The following LDB1 variants were observed in gnomAD, a reference collection of about 807,000 sequenced individuals.
The protein encoded by LDB1 is LIM domain-binding protein 1.
LDB1 carries 6 observed loss-of-function variants against 49.7 expected under a neutral mutation model. The ratio of observed to expected loss-of-function variants is 0.12; its 90% confidence interval spans 0.07 to 0.24. LDB1 has a LOEUF of 0.24. Among genes scored for constraint, LDB1 ranks in the 10% least tolerant of loss-of-function variants. LDB1 has a pLI of 1.00. For synonymous variants in LDB1, 233 were observed against 202.0 expected (o/e 1.15, Z -1.30); for missense variants, 341 against 561.7 (o/e 0.61, Z 3.97).
At position 102,109,164 on chromosome 10, in the gene LDB1, A is replaced by G; in HGVS notation, c.870T>C (p.Arg290=). The G allele has an allele frequency of 3.7e-6, 6 of 1,613,660 alleles. No individual in the cohort carries two copies. The highest frequency in any genetic ancestry group is 4.2e-6 in the Non-Finnish European group (5 of 1,179,900). The change falls in exon 10 of 11, where the codon CGT becomes CGC. Residue 290 remains arginine, a synonymous_variant. Transcript: ENST00000673968. The surrounding 1 kb of genome is among the most constrained non-coding windows in gnomAD (Gnocchi z 5.8). Reference sequence around the variant, plus strand: ...GTTTCCGCCGTTTGCTGGGCTGCTGACGTGTGGGCTCCGCTGTGCCGGTAA... The same window carrying G: ...GTTTCCGCCGTTTGCTGGGCTGCTGGCGTGTGGGCTCCGCTGTGCCGGTAA... ...RMVAPPAEPT[R]QQPSKRRKRK...
upstream of LDB1, among the ~76,000 whole-genome samples, chr10:102,120,799 G>A (rs1428249614): frequency 2.0e-5 from 3 of 152,176 alleles, no homozygotes; most frequent in Non-Finnish European, 4.4e-5. Flanking sequence ...GCCGGAGCGG[G>A]AGCCGCGGCT....
At chr10:102,103,172 G>A (rs1451523520), downstream of LDB1, among the ~76,000 whole-genome samples, 3 of 152,056 alleles carry the variant, frequency 2.0e-5, no homozygotes, top group Non-Finnish European at 4.4e-5. Flanking sequence ...TGGGACTTCA[G>A]GTGCATGATC....
At chr10:102,103,516 TTA>T (rs1161162058), downstream of LDB1, among the ~76,000 whole-genome samples, 6 of 152,044 alleles carry the variant, frequency 3.9e-5, no homozygotes, top group Admixed American at 3.9e-4. Flanking sequence ...TTTATTTATT[TTA>T]GAGATGAGGT....
In LDB1 at chr10:102,109,438, C is replaced by T; in HGVS notation, c.802G>A (p.Asp268Asn). ...TGGAAAAGGCAGGTCTTGAGGCAGT[C>T]GCGGGGGCTGAGGCTGTAGGTCTTG... ...RHKTYSLSPR[D>N]CLKTCLFQKW... Residue 268 changes from aspartate to asparagine, a missense_variant, in exon 9 of 11, where the codon GAC (aspartate) becomes AAC (asparagine). Physicochemically the swap from Asp to Asn is conservative, Grantham distance 23 (BLOSUM62 1). Around this residue, in one of 5 missense-constraint regions of LDB1, gnomAD observed 233 missense variants for 385.7 expected, o/e 0.60. Coordinates refer to ENST00000673968, the MANE Select transcript of LDB1 (RefSeq NM_001113407.3). The surrounding 1 kb of genome is among the most constrained non-coding windows in gnomAD (Gnocchi z 5.8). 4 of 1,614,112 alleles carry T rather than the reference C, an allele frequency of 2.5e-6. No individual in the cohort carries two copies. Among genetic ancestry groups the T allele is most frequent in the Non-Finnish European group, 3.4e-6 (4 of 1,180,020 alleles).
intron 1 of LDB1, 128 bp downstream of exon 1, chr10:102,119,958 G>T: frequency 1.6e-6 from 1 of 627,918 alleles, no homozygotes; most frequent in Non-Finnish European, 2.5e-6. Flanking sequence ...GCCCCGCGTA[G>T]CCCTTCCAGC....
chr10:102,115,184 A>G (rs1300160577), intron 1 of LDB1, among the ~76,000 whole-genome samples: 1 of 151,978 alleles, frequency 6.6e-6, no homozygotes, highest in East Asian at 1.9e-4. Context: ...AGAGACCTGG[A>G]TGGAGGAGAG....
rs537760608 is a variant in LDB1, at chr10:102,107,019, T to C, written c.*1074A>G. Among the ~76,000 whole-genome samples the C allele has an allele frequency of 2.0e-5, 3 of 152,202 alleles. No homozygotes were observed. The highest frequency in any genetic ancestry group is 1.3e-4 in the Admixed American group (2 of 15,288). ...ATGAAGGACAGAGTAGGATTACATA[T>C]GCAGTTGGAGGGGCTGAGGGAAGAT... On this transcript the variant is annotated 3_prime_UTR_variant, in exon 11 of 11. Coordinates refer to ENST00000673968, the MANE Select transcript of LDB1 (RefSeq NM_001113407.3).
At chr10:102,106,174 G>A (rs913586372), downstream of LDB1, among the ~76,000 whole-genome samples, 7 of 152,024 alleles carry the variant, frequency 4.6e-5, no homozygotes, top group Admixed American at 3.9e-4. Flanking sequence ...TGCCCCAGGA[G>A]GGCCACCTGT....
In LDB1 at chr10:102,108,176, C is replaced by G; in HGVS notation, c.1153G>C (p.Gly385Arg). The change falls in exon 11 of 11, where the codon GGC becomes CGC. Residue 385 changes from glycine (G) to arginine (R), a missense_variant. Transcript: ENST00000673968. ...TTGCTGTTCCAGGGGCTGTTGGCGCCCAGTGCAGGGGAGTTGTTAAAGCTG... is the reference window on the plus strand; with the variant it reads ...TTGCTGTTCCAGGGGCTGTTGGCGCGCAGTGCAGGGGAGTTGTTAAAGCTG... ...EDSFNNSPALGANSPWNSKPP... is the reference protein window; with the variant it reads ...EDSFNNSPALRANSPWNSKPP... 6.2e-7 allele frequency: 1 copy of G among 1,614,054 alleles called. No homozygotes were observed. Among genetic ancestry groups the G allele is most frequent in the Non-Finnish European group, 8.5e-7 (1 of 1,179,990 alleles).
In LDB1 at chr10:102,109,894, G is replaced by C. The variant is rs981807248; in HGVS notation, c.648+27C>G. ...CCTTCCCCCGCCTGCCTTCACTCTT[G>C]CATCCTGGGTCCTGCCCACGACTCA... On this transcript the variant is annotated intron_variant, in intron 7 of 10. Transcript: ENST00000673968. The surrounding 1 kb of genome is among the most constrained non-coding windows in gnomAD (Gnocchi z 5.8). 6.2e-6 allele frequency: 10 copies of C among 1,601,894 alleles called. No homozygotes were observed. The highest frequency in any genetic ancestry group is 8.5e-6 in the Non-Finnish European group (10 of 1,175,502).
At chr10:102,105,877 TGAGGCAG>T (rs2068154326), downstream of LDB1, among the ~76,000 whole-genome samples, 16 of 151,312 alleles carry the variant, frequency 1.1e-4, no homozygotes, top group South Asian at 3.1e-3. Flanking sequence ...CTTGGAAGGC[TGAGGCAG>T]GAGAATCACT....
intron 1 of LDB1, among the ~76,000 whole-genome samples, chr10:102,118,124 T>C (rs994528109): frequency 4.6e-5 from 7 of 152,216 alleles, no homozygotes; most frequent in African/African-American, 1.7e-4. Flanking sequence ...CATGCTGCCA[T>C]GCCTTCCTTG....
chr10:102,119,932 T>C (rs936623912), intron 1 of LDB1, among the ~76,000 whole-genome samples, 154 bp downstream of exon 1: 13 of 151,460 alleles, frequency 8.6e-5, no homozygotes, highest in Admixed American at 7.9e-4. Flanking sequence ...GGGAAAACGC[T>C]ACCCGCCAGC....
At chr10:102,119,306 C>A (rs558325799) in intron 1 of LDB1, among the ~76,000 whole-genome samples, 16 of 151,782 alleles carry the variant, frequency 1.1e-4, no homozygotes, top group East Asian at 3.9e-4. Flanking sequence ...CCGCCCCCCC[C>A]ACCTGCCCCC....
chr10:102,114,812 G>GGGGGGCCCCCC, intron 1 of LDB1: 54 of 929,716 alleles, frequency 5.8e-5, no homozygotes, highest in Non-Finnish European at 6.4e-5. Flanking sequence ...CCTCCGAGCA[G>GGGGGGCCCCCC]CCCGCCCGCC....
downstream of LDB1, among the ~76,000 whole-genome samples, chr10:102,105,684 G>A (rs141638499): frequency 5.9e-5 from 9 of 151,810 alleles, no homozygotes; most frequent in East Asian, 3.9e-4. Flanking sequence ...GCTGCTGACC[G>A]GGCAGAGTGG....
At position 102,111,555 on chromosome 10, in the gene LDB1, A is replaced by G; in HGVS notation, c.26-19T>C. 1.4e-6 allele frequency: 2 copies of G among 1,474,102 alleles called. No homozygotes were observed. The highest frequency in any genetic ancestry group is 1.8e-6 in the Non-Finnish European group (2 of 1,096,236). The allele number at this position is 1,474,102 out of a possible 1,614,324, so 91.3% of individuals were successfully genotyped here. On this transcript the variant is annotated intron_variant, in intron 1 of 10. Transcript: ENST00000673968. ...GAACAACCTAGACGAGAAAGAAAGG[A>G]GTCATAGCTGGGCGCGGTGGCTCAC...
chr10:102,113,821 T>C (rs907391146), intron 1 of LDB1, among the ~76,000 whole-genome samples: 21 of 151,162 alleles, frequency 1.4e-4, no homozygotes, highest in African/African-American at 5.1e-4. Flanking sequence ...TGAACAGGCA[T>C]TGTCTAGGCC....
At chr10:102,113,047 A>G (rs2068278080) in intron 1 of LDB1, among the ~76,000 whole-genome samples, 1 of 152,164 alleles carries the variant, frequency 6.6e-6, no homozygotes, top group African/African-American at 2.4e-5. Flanking sequence ...ACTCGACTGC[A>G]TTTGGAAGGG....
Sources: gnomAD v4.1 joint callset for allele counts (sites outside exome capture counted in the v4.1 genomes callset) on GRCh38, gnomAD v4.1.1 for gene constraint, gnomAD v4.1.1 regional missense constraint, Gnocchi (gnomAD v3.1) non-coding constraint, MANE v1.5 for transcripts, NCBI Gene and HGNC (gene_info 2026-07-23, HGNC 2026-07-21) for gene names.